Variants in THTPA observed in about 807,000 individuals in gnomAD.
THTPA encodes the protein thiamine-triphosphatase.
A neutral mutation model predicts 16.5 loss-of-function variants in THTPA; 16 were observed. That is an observed-to-expected ratio of 0.97 (90% CI 0.66 to 1.47). The LOEUF is 1.47. THTPA is among the 40% of genes most tolerant of loss of function. THTPA has a pLI of 0.00. For missense variants in THTPA, 281 were observed against 280.9 expected (o/e 1.00, Z 0.00); for synonymous variants, 110 against 115.5 (o/e 0.95, Z 0.30).
intron 1 of THTPA, 72 bp from the exon 2 acceptor site, chr14:23,558,623 G>A (rs1361119393): frequency 6.3e-7 from 1 of 1,590,544 alleles, no homozygotes; most frequent in African/African-American, 1.3e-5. Context: ...GTCCTGGCTA[G>A]GTGGGCAGGG....
the THTPA span, chr14:23,528,877 T>G: frequency 1.0e-6 from 1 of 973,572 alleles, no homozygotes; most frequent in Non-Finnish European, 1.2e-6. Flanking sequence ...CTGGCACCAG[T>G]GGCACAGGCC....
the THTPA span, among the ~76,000 whole-genome samples, chr14:23,537,286 C>G: frequency 6.6e-6 from 1 of 151,816 alleles, no homozygotes; most frequent in Non-Finnish European, 1.5e-5. Flanking sequence ...TCCCATGCCT[C>G]TCCATCCTAT....
At position 23,559,718 on chromosome 14, in the gene THTPA, C is replaced by T; in HGVS notation, c.*878C>T. On this transcript the variant is annotated 3_prime_UTR_variant, in exon 2 of 2. Coordinates refer to ENST00000288014, the MANE Select transcript of THTPA (RefSeq NM_024328.6). Reference sequence around the variant, plus strand: ...CTGGGGCCCCCTGGGGTTTGGGACACAGGAGAATTTCAGGCTGTGAGTGGA... The same window carrying T: ...CTGGGGCCCCCTGGGGTTTGGGACATAGGAGAATTTCAGGCTGTGAGTGGA... 2 of 1,609,946 alleles carry T rather than the reference C, an allele frequency of 1.2e-6. No homozygotes were observed. Among genetic ancestry groups the T allele is most frequent in the Non-Finnish European group, 1.7e-6 (2 of 1,177,196 alleles).
the THTPA span, chr14:23,525,098 T>G: frequency 6.5e-7 from 1 of 1,536,046 alleles, no homozygotes; most frequent in African/African-American, 1.4e-5. The surrounding 1 kb of genome is among the most constrained non-coding windows in gnomAD (Gnocchi z 5.9). Flanking sequence ...GGCGCTAGTC[T>G]CAAAGAAAGA....
chr14:23,534,343 GCCTCAGGGGGGCCAT>G, the THTPA span: 1 of 1,536,654 alleles, frequency 6.5e-7, no homozygotes, highest in East Asian at 2.4e-5. The surrounding 1 kb of genome is among the most constrained non-coding windows in gnomAD (Gnocchi z 4.5). Flanking sequence ...CTGGACTTCT[GCCTCAGGGGGGCCAT>G]CCTCTGTCTG....
chr14:23,524,299 G>A, the THTPA span: 1 of 1,536,380 alleles, frequency 6.5e-7, no homozygotes, highest in Non-Finnish European at 8.7e-7. This position sits in a 1 kb window ranked among gnomAD's most constrained non-coding sequence, Gnocchi z 5.6. Context: ...TGCGTGTTGG[G>A]TTGGAATCCT....
the THTPA span, chr14:23,525,548 G>A: frequency 3.9e-6 from 6 of 1,535,302 alleles, no homozygotes; most frequent in Admixed American, 7.8e-5. This position sits in a 1 kb window ranked among gnomAD's most constrained non-coding sequence, Gnocchi z 5.9. Context: ...TGGGGTAGGG[G>A]GAGGGGGCAC....
the THTPA span, chr14:23,525,389 T>A: frequency 1.3e-6 from 2 of 1,535,958 alleles, no homozygotes; most frequent in African/African-American, 2.7e-5. This position sits in a 1 kb window ranked among gnomAD's most constrained non-coding sequence, Gnocchi z 5.9. Context: ...CTTTCGAAAC[T>A]GAGCAGCATA....
At chr14:23,538,103 T>C in the THTPA span, 1 of 152,254 alleles carries the variant, frequency 6.6e-6, no homozygotes, top group Non-Finnish European at 1.5e-5. Flanking sequence ...AAAACATCTA[T>C]TTCCTAGAAC....
the THTPA span, among the ~76,000 whole-genome samples, chr14:23,541,115 A>G: frequency 6.6e-5 from 10 of 151,834 alleles, no homozygotes; most frequent in African/African-American, 2.4e-4. Context: ...CATGTTGGCC[A>G]GGCTGGTCTC....
the THTPA span, chr14:23,522,809 G>C: frequency 6.5e-7 from 1 of 1,536,120 alleles, no homozygotes; most frequent in East Asian, 2.4e-5. Context: ...AGTGGTGCCT[G>C]CTGTGGAGGT....
chr14:23,532,558 C>A, the THTPA span: 1 of 1,434,024 alleles, frequency 7.0e-7, no homozygotes. Flanking sequence ...CTTCCTGACC[C>A]AGCCTCACCT....
At chr14:23,525,040 C>A in the THTPA span, 1 of 1,536,198 alleles carries the variant, frequency 6.5e-7, no homozygotes. This position sits in a 1 kb window ranked among gnomAD's most constrained non-coding sequence, Gnocchi z 5.9. Flanking sequence ...CACGGCTAGC[C>A]AGACCCAACA....
In THTPA at chr14:23,558,856, G is replaced by A. The variant is rs753150198; in HGVS notation, c.*16G>A. On this transcript the variant is annotated 3_prime_UTR_variant, in exon 2 of 2. Transcript: ENST00000288014. ...CCTGGGCTAGGGGTGTCACTTCCTA[G>A]AAGGGGAAGGGAACTCTGGGTCTAA... 1 of 1,613,554 alleles carries A rather than the reference G, an allele frequency of 6.2e-7. No individual in the cohort carries two copies. Among genetic ancestry groups the A allele is most frequent in the South Asian group, 1.1e-5 (1 of 91,084 alleles).
the THTPA span, among the ~76,000 whole-genome samples, chr14:23,518,391 A>G: frequency 6.6e-6 from 1 of 152,204 alleles, no homozygotes; most frequent in Non-Finnish European, 1.5e-5. This position sits in a 1 kb window ranked among gnomAD's most constrained non-coding sequence, Gnocchi z 4.5. Context: ...TCTTAAGCCT[A>G]CTTCTGTAAG....
At chr14:23,536,668 C>T in the THTPA span, among the ~76,000 whole-genome samples, 1 of 152,118 alleles carries the variant, frequency 6.6e-6, no homozygotes, top group East Asian at 1.9e-4. Flanking sequence ...ATGGGGCATC[C>T]AAGAAACAGA....
the THTPA span, among the ~76,000 whole-genome samples, chr14:23,539,901 A>G: frequency 6.6e-6 from 1 of 152,142 alleles, no homozygotes; most frequent in Non-Finnish European, 1.5e-5. Flanking sequence ...TCCAAACCCA[A>G]CTCCATGGCA....
chr14:23,533,411 C>T, the THTPA span: 74 of 1,505,264 alleles, frequency 4.9e-5, no homozygotes, highest in Non-Finnish European at 6.5e-5. This position sits in a 1 kb window ranked among gnomAD's most constrained non-coding sequence, Gnocchi z 4.8. Flanking sequence ...TGCCCTAGGG[C>T]CTGGGGCCCA....
At chr14:23,525,561 C>T in the THTPA span, 1 of 1,535,278 alleles carries the variant, frequency 6.5e-7, no homozygotes, top group Non-Finnish European at 8.7e-7. The surrounding 1 kb of genome is among the most constrained non-coding windows in gnomAD (Gnocchi z 5.9). Flanking sequence ...GGGGGCACAG[C>T]TTGCTTCCCT....
Sources: allele counts gnomAD v4.1 joint callset (sites outside exome capture counted in the v4.1 genomes callset), GRCh38; gene constraint gnomAD v4.1.1; non-coding constraint Gnocchi (gnomAD v3.1); transcripts MANE v1.5; gene names NCBI Gene and HGNC (gene_info 2026-07-23, HGNC 2026-07-21).